Variants in DPP3 observed in about 807,000 individuals in gnomAD.
DPP3 encodes the protein dipeptidyl peptidase 3, also known as DPP III.
In DPP3, 64 loss-of-function variants were observed where a neutral mutation model predicts 89.8. The ratio of observed to expected loss-of-function variants is 0.71; its 90% CI spans 0.58 to 0.88. DPP3 has a LOEUF of 0.88. DPP3 is among the 40% of genes least tolerant of loss of function. The pLI is 0.00. For missense variants in DPP3, 835 were observed against 972.5 expected (o/e 0.86, Z 1.88); for synonymous variants, 377 against 404.3 (o/e 0.93, Z 0.81).
At chr11:66,506,501 C>G (rs1855806300) in intron 17 of DPP3, among the ~76,000 whole-genome samples, 1 of 152,084 alleles carries the variant, frequency 6.6e-6, no homozygotes, top group South Asian at 2.1e-4. Context: ...GTGATCCACC[C>G]TCCTCGGCCT....
chr11:66,493,310 G>T, intron 11 of DPP3, 131 bp downstream of exon 11: 2 of 874,774 alleles, frequency 2.3e-6, no homozygotes, highest in Non-Finnish European at 3.5e-6. Flanking sequence ...TCCCAACCAT[G>T]TGACCGTGTG....
chr11:66,484,905 G>A (rs1284803927), intron 2 of DPP3, among the ~76,000 whole-genome samples: 2 of 152,172 alleles, frequency 1.3e-5, no homozygotes, highest in African/African-American at 4.8e-5. Context: ...AGAGGGTGCT[G>A]GGGTGGGGAG....
chr11:66,491,894 C>A, intron 9 of DPP3, 138 bp downstream of exon 9: 2 of 957,502 alleles, frequency 2.1e-6, no homozygotes, highest in Non-Finnish European at 3.3e-6. Flanking sequence ...TAAATAAACA[C>A]CGTTTACAAT....
intron 1 of DPP3, 86 bp downstream of exon 1, chr11:66,480,551 C>T (rs1855045040): frequency 1.4e-6 from 2 of 1,393,846 alleles, no homozygotes; most frequent in Non-Finnish European, 1.9e-6. Flanking sequence ...AAAATCGTTC[C>T]CTTTCTGCCC....
intron 15 of DPP3, among the ~76,000 whole-genome samples, chr11:66,495,999 C>T (rs1382222017): frequency 2.6e-5 from 4 of 152,292 alleles, no homozygotes; most frequent in African/African-American, 4.8e-5. Context: ...TAGGACTCCT[C>T]GCAGTTGACG....
chr11:66,506,358 G>T (rs758975471), intron 17 of DPP3, among the ~76,000 whole-genome samples: 4 of 152,048 alleles, frequency 2.6e-5, no homozygotes, highest in African/African-American at 9.7e-5. Context: ...GGGTTCAAGC[G>T]ATTCTCCTGC....
chr11:66,509,337 G>T lies in DPP3; in HGVS notation c.*86G>T, dbSNP rs749557291. 3 of 1,548,670 alleles carry T rather than the reference G, an allele frequency of 1.9e-6. No individual in the cohort carries two copies. Among genetic ancestry groups the T allele is most frequent in the African/African-American group, 2.7e-5 (2 of 73,126 alleles). On this transcript the variant is annotated 3_prime_UTR_variant, in exon 18 of 18. Transcript: ENST00000531863. Reference sequence around the variant, plus strand: ...CGTGTGTGTATTTAGGGGCTGGGGAGGGGGAGGGGCAGGAGCTTGGACCTT... The same window carrying T: ...CGTGTGTGTATTTAGGGGCTGGGGATGGGGAGGGGCAGGAGCTTGGACCTT...
chr11:66,499,035 A>C (rs1160740611), intron 16 of DPP3, among the ~76,000 whole-genome samples: 1 of 151,948 alleles, frequency 6.6e-6, no homozygotes, highest in Non-Finnish European at 1.5e-5. Context: ...AAGATAACAT[A>C]TTAATCAAAA....
Position 66,504,758 on chromosome 11 carries a change from C to A in DPP3, c.2025C>A (p.Pro675=). ...RKESRKLIVQ[P]NTRLEGSDVQ... Reference sequence around the variant, plus strand: ...AATCTCGGAAGCTCATTGTTCAGCCCAACACTCGCCTTGAAGGTAATGAGG... The same window carrying A: ...AATCTCGGAAGCTCATTGTTCAGCCAAACACTCGCCTTGAAGGTAATGAGG... Residue 675 remains proline, a synonymous_variant, in exon 17 of 18, where the codon CCC becomes CCA. Coordinates refer to ENST00000531863, the MANE Select transcript of DPP3 (RefSeq NM_130443.4). 6.2e-7 allele frequency: 1 copy of A among 1,611,802 alleles called. No individual in the cohort carries two copies. Among genetic ancestry groups the A allele is most frequent in the East Asian group, 2.2e-5 (1 of 44,720 alleles).
chr11:66,487,477 A>G, intron 5 of DPP3, 135 bp downstream of exon 5: 3 of 897,482 alleles, frequency 3.3e-6, no homozygotes, highest in Non-Finnish European at 5.2e-6. Flanking sequence ...ACCCCTGCCC[A>G]CCCCAGGCTA....
intron 17 of DPP3, among the ~76,000 whole-genome samples, chr11:66,506,848 C>A (rs1353417178): frequency 6.6e-6 from 1 of 152,026 alleles, no homozygotes; most frequent in Non-Finnish European, 1.5e-5. Context: ...TTGTCTCTGA[C>A]CCCTCCACCT....
At chr11:66,497,267 T>C in intron 15 of DPP3, 31 bp from the exon 16 acceptor site, 2 of 1,605,118 alleles carry the variant, frequency 1.2e-6, no homozygotes, top group African/African-American at 1.3e-5. Context: ...TGATACGGGC[T>C]ACAAATGCTG....
intron 16 of DPP3, among the ~76,000 whole-genome samples, chr11:66,500,404 T>A (rs1178797913): frequency 6.6e-6 from 1 of 152,042 alleles, no homozygotes; most frequent in Non-Finnish European, 1.5e-5. Context: ...GGAGAAAAGA[T>A]AACCCAACAT....
At chr11:66,488,548 C>T (rs773314156) in intron 6 of DPP3, among the ~76,000 whole-genome samples, 24 of 139,346 alleles carry the variant, frequency 1.7e-4, no homozygotes, top group Non-Finnish European at 2.9e-4. Flanking sequence ...GGTGACAGAG[C>T]GAAGCTCCAG....
chr11:66,497,466 C>A lies in DPP3; in HGVS notation c.1867C>A (p.Arg623=), dbSNP rs1241362723. The change falls in exon 16 of 18, where the codon CGG becomes AGG. Residue 623 remains arginine (R), a synonymous_variant. Transcript: ENST00000531863. ...CAAGCCTGCTCTAGAGCGCTTCCTG[C>A]GGAGACTTCAGGTAAGCAAAGGCCT... ...VGKPALERFL[R]RLQVLKSTGD... is the part of the protein sequence containing the mutation. 6.2e-7 allele frequency: 1 copy of A among 1,613,194 alleles called. No homozygotes were observed. The highest frequency in any genetic ancestry group is 1.7e-5 in the Admixed American group (1 of 59,976).
At chr11:66,487,412 G>A (rs1450203644) in intron 5 of DPP3, 70 bp downstream of exon 5, 23 of 1,496,514 alleles carry the variant, frequency 1.5e-5, no homozygotes, top group Non-Finnish European at 2.1e-5. Flanking sequence ...CCTCACAACT[G>A]GTGACCACTC....
chr11:66,487,835 G>C (rs1460629711), intron 5 of DPP3, 79 bp from the exon 6 acceptor site: 2 of 1,360,884 alleles, frequency 1.5e-6, no homozygotes, highest in Non-Finnish European at 2.1e-6. Flanking sequence ...TTCTCCCCTA[G>C]GGTTGACCCA....
intron 1 of DPP3, chr11:66,480,738 G>C (rs1160562082): frequency 1.4e-5 from 5 of 366,584 alleles, no homozygotes; most frequent in Non-Finnish European, 2.4e-5. Context: ...GGGGCGTGGC[G>C]GGGAGAATGC....
chr11:66,485,927 CTTT>C (rs1565266687), intron 3 of DPP3, among the ~76,000 whole-genome samples: 12 of 150,428 alleles, frequency 8.0e-5, no homozygotes, highest in African/African-American at 2.9e-4. Context: ...CTTTTCTTTT[CTTT>C]TCTTTTCTTT....
Sources: gnomAD v4.1 joint callset for allele counts (sites outside exome capture counted in the v4.1 genomes callset) on GRCh38, gnomAD v4.1.1 for gene constraint, MANE v1.5 for transcripts, NCBI Gene and HGNC (gene_info 2026-07-23, HGNC 2026-07-21) for gene names.